The following ANTXRL variants were observed in gnomAD, a reference collection of about 807,000 sequenced individuals.
ANTXRL encodes anthrax toxin receptor-like.
A neutral mutation model predicts 75.4 loss-of-function variants in ANTXRL; 63 were observed. The ratio of observed to expected loss-of-function variants is 0.84; its 90% CI spans 0.68 to 1.03. The LOEUF is 1.03. Among genes scored for constraint, ANTXRL ranks in the 50% least tolerant of loss-of-function variants. The pLI is 0.00. For synonymous variants in ANTXRL, 335 were observed against 291.3 expected (o/e 1.15, Z -1.53); for missense variants, 797 against 789.4 (o/e 1.01, Z -0.12).
rs141874652 is a variant in ANTXRL, at chr10:46,324,649, C to A, written c.1411-4950C>A. Among the ~76,000 whole-genome samples, 1,028 of 152,186 alleles carry A rather than the reference C, an allele frequency of 6.8e-3. 12 individuals are homozygous for A. Among genetic ancestry groups the A allele is most frequent in the South Asian group, 0.045 (215 of 4,820 alleles). On this transcript the variant is annotated intron_variant, in intron 16 of 16. Coordinates refer to ENST00000620264, the MANE Select transcript of ANTXRL (RefSeq NM_001278688.3). ...AAAGACTTAGAATAACCAGTTTGGA[C>A]CTTTATAGACGCCGCACTTTTAATT...
chr10:46,294,158 C>G (rs1403230783), intron 3 of ANTXRL: 14 of 515,178 alleles, frequency 2.7e-5, no homozygotes, highest in Admixed American at 7.2e-5. Flanking sequence ...CCTGCCCTCT[C>G]TCCGCTCTGC....
intron 12 of ANTXRL, 122 bp from the exon 13 acceptor site, chr10:46,308,991 A>C: frequency 7.3e-7 from 1 of 1,363,990 alleles, no homozygotes. Context: ...CGCTGGCCCC[A>C]CTGTAGTACC....
chr10:46,293,821 C>T lies in ANTXRL; in HGVS notation c.321-8C>T, dbSNP rs1554957613. On this transcript the variant is annotated splice_polypyrimidine_tract_variant and splice_region_variant and intron_variant, in intron 2 of 16. Coordinates refer to ENST00000620264, the MANE Select transcript of ANTXRL (RefSeq NM_001278688.3). ...CTGGCTTCTCACCAGCACATGATTC[C>T]TTCACAGCCCAAATATTCGGATGTG... 12 of 1,535,422 alleles carry T rather than the reference C, an allele frequency of 7.8e-6. No individual in the cohort carries two copies. The highest frequency in any genetic ancestry group is 1.4e-5 in the African/African-American group (1 of 73,094).
intron 12 of ANTXRL, among the ~76,000 whole-genome samples, chr10:46,307,902 G>A (rs1277080566): frequency 4.6e-5 from 7 of 152,202 alleles, no homozygotes; most frequent in African/African-American, 1.4e-4. Flanking sequence ...CCCCTGAGAT[G>A]TCCCTCTCTG....
intron 16 of ANTXRL, among the ~76,000 whole-genome samples, chr10:46,321,997 G>A (rs1179394152): frequency 6.6e-6 from 1 of 152,148 alleles, no homozygotes; most frequent in East Asian, 1.9e-4. Context: ...AATATCTTAA[G>A]TGCTTTATAA....
intron 9 of ANTXRL, among the ~76,000 whole-genome samples, chr10:46,300,406 C>T (rs782273233): frequency 1.0e-3 from 152 of 152,160 alleles, no homozygotes; most frequent in African/African-American, 3.3e-3. Flanking sequence ...CCCTGTTTAG[C>T]CCTGGGCCTC....
intron 16 of ANTXRL, among the ~76,000 whole-genome samples, chr10:46,324,805 A>C (rs544139808): frequency 6.6e-6 from 1 of 152,164 alleles, no homozygotes; most frequent in Non-Finnish European, 1.5e-5. Flanking sequence ...CAGGAGAGTC[A>C]GGAAACTCTA....
At chr10:46,291,016 C>T (rs1836960410) in intron 1 of ANTXRL, among the ~76,000 whole-genome samples, 1 of 152,118 alleles carries the variant, frequency 6.6e-6, no homozygotes, top group African/African-American at 2.4e-5. Flanking sequence ...ATCCCCAAAT[C>T]TAATGTCATA....
intron 1 of ANTXRL, among the ~76,000 whole-genome samples, chr10:46,288,412 G>A (rs1836848214): frequency 6.6e-6 from 1 of 152,034 alleles, no homozygotes; most frequent in Non-Finnish European, 1.5e-5. Flanking sequence ...ACAAGACTCC[G>A]GCTTCCTGTG....
intron 9 of ANTXRL, among the ~76,000 whole-genome samples, chr10:46,298,973 T>C (rs1278935272): frequency 6.6e-6 from 1 of 151,764 alleles, no homozygotes; most frequent in African/African-American, 2.4e-5. Flanking sequence ...CTTTGTACAA[T>C]TAGTGTGTTG....
chr10:46,328,541 G>T (rs1366244147), intron 16 of ANTXRL, among the ~76,000 whole-genome samples: 1 of 152,078 alleles, frequency 6.6e-6, no homozygotes, highest in Non-Finnish European at 1.5e-5. Context: ...ATACTCCATT[G>T]CCAGAATGCA....
At chr10:46,290,355 G>A (rs74368641) in intron 1 of ANTXRL, among the ~76,000 whole-genome samples, 5,476 of 152,136 alleles carry the variant, frequency 0.036, 205 homozygotes, top group East Asian at 0.12. Flanking sequence ...TTATCTTTTC[G>A]TCTGTTGATG....
chr10:46,309,352 T>G, intron 13 of ANTXRL, 150 bp downstream of exon 13: 1 of 1,421,256 alleles, frequency 7.0e-7, no homozygotes, highest in Non-Finnish European at 9.4e-7. Context: ...GTCGCAGACC[T>G]GTCCACACGT....
At chr10:46,294,183 G>T (rs1198325424) in intron 3 of ANTXRL, 6 of 457,990 alleles carry the variant, frequency 1.3e-5, no homozygotes, top group African/African-American at 4.0e-5. Flanking sequence ...TTCCCTGAAA[G>T]GTGGCTGTGA....
At chr10:46,326,110 C>A (rs1554966412) in intron 16 of ANTXRL, among the ~76,000 whole-genome samples, 1 of 146,144 alleles carries the variant, frequency 6.8e-6, no homozygotes, top group South Asian at 2.2e-4. Context: ...TTTTTTTCAT[C>A]TTCATGCTAA....
intron 9 of ANTXRL, among the ~76,000 whole-genome samples, chr10:46,299,610 T>C (rs1426580490): frequency 1.3e-5 from 2 of 152,158 alleles, no homozygotes; most frequent in Admixed American, 1.3e-4. Context: ...CTGGCCTCCC[T>C]GTTCCTCACT....
intron 16 of ANTXRL, among the ~76,000 whole-genome samples, chr10:46,316,044 A>G (rs1283297643): frequency 6.6e-6 from 1 of 152,094 alleles, no homozygotes; most frequent in African/African-American, 2.4e-5. Context: ...CCTCCCATCC[A>G]TGCTGAGGAT....
At chr10:46,302,897 C>A (rs1554960923) in intron 10 of ANTXRL, 77 bp downstream of exon 10, 1 of 1,186,112 alleles carries the variant, frequency 8.4e-7, no homozygotes, top group African/African-American at 1.5e-5. Flanking sequence ...AGCCAAGCCT[C>A]CCAGCCCTTG....
intron 16 of ANTXRL, among the ~76,000 whole-genome samples, chr10:46,324,738 A>G (rs1839135067): frequency 6.6e-6 from 1 of 152,104 alleles, no homozygotes; most frequent in African/African-American, 2.4e-5. Context: ...GTGTTTCATT[A>G]TGGGCCTGAG....
Sources: gnomAD v4.1 joint callset for allele counts (sites outside exome capture counted in the v4.1 genomes callset) on GRCh38, gnomAD v4.1.1 for gene constraint, MANE v1.5 for transcripts, NCBI Gene and HGNC (gene_info 2026-07-23, HGNC 2026-07-21) for gene names.